The following LY6S variants were observed in gnomAD, a reference collection of about 807,000 sequenced individuals.
LY6S encodes lymphocyte antigen 6S.
At chr8:143,071,440 A>G in the LY6S span, among the ~76,000 whole-genome samples, 1 of 152,196 alleles carries the variant, frequency 6.6e-6, no homozygotes, top group Non-Finnish European at 1.5e-5. Context: ...TATACAACAC[A>G]AAGAGTGAGC....
the LY6S span, among the ~76,000 whole-genome samples, chr8:143,070,412 GTATA>G: frequency 1.1e-5 from 1 of 95,180 alleles, no homozygotes; most frequent in Non-Finnish European, 1.9e-5. Context: ...TTTTATTTAT[GTATA>G]TATATTTATA....
At chr8:143,069,622 C>T in the LY6S span, among the ~76,000 whole-genome samples, 1 of 152,208 alleles carries the variant, frequency 6.6e-6, no homozygotes. Context: ...GACACACAGG[C>T]GCTGTGCTCA....
the LY6S span, among the ~76,000 whole-genome samples, chr8:143,064,982 T>TA: frequency 6.6e-6 from 1 of 152,156 alleles, no homozygotes; most frequent in East Asian, 1.9e-4. Flanking sequence ...GGTAAATAAT[T>TA]CAGCCATCTT....
At chr8:143,042,087 C>G in the LY6S span, among the ~76,000 whole-genome samples, 2 of 26,440 alleles carry the variant, frequency 7.6e-5, no homozygotes, top group African/African-American at 1.2e-4. Context: ...AGGGCGTTCT[C>G]AGCCCAGCCC....
chr8:143,042,275 C>G, the LY6S span: 1 of 152,342 alleles, frequency 6.6e-6, no homozygotes, highest in Non-Finnish European at 1.5e-5. Context: ...ACCCCTGACA[C>G]GGGGCATCAT....
the LY6S span, among the ~76,000 whole-genome samples, chr8:143,061,091 AATAAAG>A: frequency 6.6e-6 from 1 of 152,114 alleles, no homozygotes; most frequent in Admixed American, 6.6e-5. Context: ...TTTTAGGCCA[AATAAAG>A]ATAACAATAG....
At chr8:143,057,594 GA>G in the LY6S span, 1 of 1,295,898 alleles carries the variant, frequency 7.7e-7, no homozygotes, top group Non-Finnish European at 1.1e-6. Flanking sequence ...TCCTCATGCT[GA>G]ATGAGAGGGT....
chr8:143,073,815 C>A, the LY6S span, among the ~76,000 whole-genome samples: 1 of 146,316 alleles, frequency 6.8e-6, no homozygotes, highest in African/African-American at 2.5e-5. Flanking sequence ...CCCGGGGTCC[C>A]TGTTTGAGGA....
the LY6S span, among the ~76,000 whole-genome samples, chr8:143,070,471 A>T: frequency 5.6e-5 from 2 of 35,918 alleles, 1 homozygote; most frequent in Admixed American, 1.0e-3. Context: ...TATAATATAT[A>T]TATAAATATA....
the LY6S span, among the ~76,000 whole-genome samples, chr8:143,064,005 C>A: frequency 6.6e-6 from 1 of 152,192 alleles, no homozygotes; most frequent in Admixed American, 6.5e-5. Context: ...TGTGTAAGGA[C>A]CCCTAGTGTT....
the LY6S span, among the ~76,000 whole-genome samples, chr8:143,060,147 G>A: frequency 0.014 from 2,062 of 152,240 alleles, 33 homozygotes; most frequent in East Asian, 0.066. Flanking sequence ...TGTCATGCCC[G>A]GACAGGGCCA....
the LY6S span, chr8:143,042,963 C>A: frequency 7.5e-7 from 1 of 1,339,316 alleles, no homozygotes. Flanking sequence ...GACAGGGAAG[C>A]CCCGACCTCT....
At chr8:143,067,126 C>A in the LY6S span, among the ~76,000 whole-genome samples, 1 of 152,136 alleles carries the variant, frequency 6.6e-6, no homozygotes, top group Non-Finnish European at 1.5e-5. Context: ...GAGGTGCCTC[C>A]TACCCCTTTC....
the LY6S span, among the ~76,000 whole-genome samples, chr8:143,062,483 T>G: frequency 1.3e-5 from 2 of 152,128 alleles, no homozygotes; most frequent in African/African-American, 4.8e-5. Flanking sequence ...CTGGTCAACA[T>G]GGCGAAATCC....
chr8:143,071,829 C>A, the LY6S span, among the ~76,000 whole-genome samples: 2 of 152,248 alleles, frequency 1.3e-5, no homozygotes, highest in Non-Finnish European at 2.9e-5. Context: ...CTTCCAAGAT[C>A]TACGGGAGTT....
the LY6S span, chr8:143,044,119 C>T: frequency 4.4e-6 from 2 of 456,230 alleles, no homozygotes; most frequent in Non-Finnish European, 8.8e-6. Flanking sequence ...CATGGCCTGG[C>T]TGATATCCCA....
chr8:143,055,985 C>T, the LY6S span, among the ~76,000 whole-genome samples: 1 of 151,938 alleles, frequency 6.6e-6, no homozygotes, highest in East Asian at 1.9e-4. Context: ...TAACCTGTCA[C>T]ATAAATTCTT....
the LY6S span, chr8:143,043,333 CT>C: frequency 9.4e-7 from 1 of 1,060,880 alleles, no homozygotes; most frequent in Non-Finnish European, 1.3e-6. Flanking sequence ...TCCCCTCTCA[CT>C]TTACCTGCGA....
the LY6S span, among the ~76,000 whole-genome samples, chr8:143,045,106 A>G: frequency 8.5e-5 from 13 of 152,254 alleles, no homozygotes; most frequent in African/African-American, 1.2e-4. This position sits in a 1 kb window ranked among gnomAD's most constrained non-coding sequence, Gnocchi z 5.3. Context: ...ACGCGCGGTA[A>G]CAAGCACAGA....
Sources: allele counts gnomAD v4.1 joint callset (sites outside exome capture counted in the v4.1 genomes callset), GRCh38; gene constraint gnomAD v4.1.1; non-coding constraint Gnocchi (gnomAD v3.1); transcripts MANE v1.5; gene names NCBI Gene and HGNC (gene_info 2026-07-23, HGNC 2026-07-21).